The following TNFRSF10D variants were observed in gnomAD, a reference collection of about 807,000 sequenced individuals.
TNFRSF10D encodes TNF receptor superfamily member 10d.
TNFRSF10D carries 28 observed loss-of-function variants against 42.1 expected under a neutral mutation model. That is an observed-to-expected ratio of 0.66 (90% confidence interval 0.49 to 0.91). The LOEUF is 0.91. Ranked by LOEUF, TNFRSF10D falls within the 40% of genes least tolerant of loss-of-function variation. The pLI, the probability that TNFRSF10D is intolerant of heterozygous loss-of-function variation, is 0.00. For missense variants in TNFRSF10D, 503 were observed against 486.1 expected (o/e 1.03, Z -0.33); for synonymous variants, 186 against 189.4 (o/e 0.98, Z 0.15).
At chr8:23,139,405 G>T (rs1385480541) in intron 7 of TNFRSF10D, among the ~76,000 whole-genome samples, 1 of 152,182 alleles carries the variant, frequency 6.6e-6, no homozygotes, top group African/African-American at 2.4e-5. Context: ...GGGAGGGAAG[G>T]ATGGAGGAAA....
At chr8:23,140,123 A>G (rs1324394343) in intron 7 of TNFRSF10D, among the ~76,000 whole-genome samples, 1 of 152,108 alleles carries the variant, frequency 6.6e-6, no homozygotes, top group Non-Finnish European at 1.5e-5. Context: ...CCCCACCTCT[A>G]CTAAAAATAC....
Position 23,140,116 on chromosome 8 carries a change from C to T in TNFRSF10D, c.955-1856G>A, listed in dbSNP as rs1001961129. On this transcript the variant is annotated intron_variant, in intron 7 of 8. Coordinates refer to ENST00000312584, the MANE Select transcript of TNFRSF10D (RefSeq NM_003840.5). ...CATCCTGGCTAACACGGTGAAACCC[C>T]ACCTCTACTAAAAATACAAAAAACT... Among the ~76,000 whole-genome samples, 12 of 152,186 alleles carry T rather than the reference C, an allele frequency of 7.9e-5. No homozygotes were observed. In the South Asian group the frequency reaches 8.3e-4, roughly 11 times the overall value.
At chr8:23,139,924 T>C (rs1563353987) in intron 7 of TNFRSF10D, among the ~76,000 whole-genome samples, 1 of 152,082 alleles carries the variant, frequency 6.6e-6, no homozygotes, top group Non-Finnish European at 1.5e-5. Context: ...GGCAGGCGGA[T>C]CACGATGTCA....
At chr8:23,163,104 T>C (rs1800397908) in intron 1 of TNFRSF10D, among the ~76,000 whole-genome samples, 2 of 138,286 alleles carry the variant, frequency 1.4e-5, no homozygotes, top group Admixed American at 1.4e-4. Context: ...TTTTTTTTTT[T>C]TTTTTTTTTT....
intron 7 of TNFRSF10D, among the ~76,000 whole-genome samples, chr8:23,140,709 C>G (rs1192010426): frequency 6.6e-6 from 1 of 152,138 alleles, no homozygotes; most frequent in African/African-American, 2.4e-5. Flanking sequence ...GTGAATAAGA[C>G]TCACAAGAGC....
chr8:23,147,641 T>C (rs993593023), intron 3 of TNFRSF10D, among the ~76,000 whole-genome samples: 5 of 152,202 alleles, frequency 3.3e-5, no homozygotes, highest in African/African-American at 9.6e-5. Context: ...ACAGAAAAGA[T>C]TTTGGCCAGG....
chr8:23,145,043 G>T lies in TNFRSF10D; in HGVS notation c.768+15C>A. 6.2e-7 allele frequency: 1 copy of T among 1,614,140 alleles called. No homozygotes were observed. The highest frequency in any genetic ancestry group is 8.5e-7 in the Non-Finnish European group (1 of 1,180,016). On this transcript the variant is annotated intron_variant, in intron 6 of 8. Transcript: ENST00000312584. Reference sequence around the variant, plus strand: ...GAACCCACGAAGCCCCCAGTTTCTGGAGAAACCAACTCACTCTGTGCACAC... The same window carrying T: ...GAACCCACGAAGCCCCCAGTTTCTGTAGAAACCAACTCACTCTGTGCACAC...
At chr8:23,158,585 C>T (rs900715649) in intron 1 of TNFRSF10D, among the ~76,000 whole-genome samples, 2 of 152,184 alleles carry the variant, frequency 1.3e-5, no homozygotes, top group African/African-American at 4.8e-5. Flanking sequence ...TCAAAATAGA[C>T]CTATACGTTT....
chr8:23,162,823 C>CA (rs144419199), intron 1 of TNFRSF10D, among the ~76,000 whole-genome samples: 2,590 of 152,294 alleles, frequency 0.017, 73 homozygotes, highest in African/African-American at 0.059. Flanking sequence ...ATGAAAGTTA[C>CA]AAAAAACAGC....
rs1168370245 is a variant in TNFRSF10D at position 23,137,524 on chromosome 8, C to T, written c.*346G>A. ...TTCACTGTGTTGATGAGGCTGGTCT[C>T]AAACTCCCGAGCTCAAGCAATCCAC... On this transcript the variant is annotated 3_prime_UTR_variant, in exon 9 of 9. Transcript: ENST00000312584. 5.1e-3 allele frequency: 913 copies of T among 178,510 alleles called. No individual in the cohort carries two copies. The highest frequency in any genetic ancestry group is 0.018 in the African/African-American group (756 of 42,190). 11.1% of individuals were successfully genotyped at this position (178,510 alleles called of 1,614,324 possible).
rs142138389 is a variant in TNFRSF10D at position 23,138,270 on chromosome 8, A to T, written c.955-10T>A. The T allele has an allele frequency of 6.9e-5, 111 of 1,614,178 alleles. No individual in the cohort carries two copies. The African/African-American group carries it at 1.3e-3, about 19-fold the overall frequency. ...CAGCTTCTGCCTGTTCCTGTAACAC[A>T]CAGTGGGGAATGCTCTGGTCAGAGT... On this transcript the variant is annotated splice_polypyrimidine_tract_variant and intron_variant, in intron 7 of 8. Coordinates refer to ENST00000312584, the MANE Select transcript of TNFRSF10D (RefSeq NM_003840.5).
Position 23,163,846 on chromosome 8 carries a change from T to C in TNFRSF10D, c.90A>G (p.Pro30=), listed in dbSNP as rs1585268419. Residue 30 remains proline (P), a synonymous_variant, in exon 1 of 9, where the codon CCA becomes CCG. Coordinates refer to ENST00000312584, the MANE Select transcript of TNFRSF10D (RefSeq NM_003840.5). Reference sequence around the variant, plus strand: ...TAAGGATCTTGGGGTCCAGGAGCCATGGTCTGGTTCCCGACGCTGTCCTGG... The same window carrying C: ...TAAGGATCTTGGGGTCCAGGAGCCACGGTCTGGTTCCCGACGCTGTCCTGG... ...PGARTASGTR[P]WLLDPKILKF... 1 of 1,607,600 alleles carries C rather than the reference T, an allele frequency of 6.2e-7. No individual in the cohort carries two copies. The highest frequency in any genetic ancestry group is 1.7e-5 in the Admixed American group (1 of 59,016).
chr8:23,143,012 T>C (rs1485664481), intron 7 of TNFRSF10D, among the ~76,000 whole-genome samples: 6 of 150,272 alleles, frequency 4.0e-5, no homozygotes, highest in African/African-American at 7.5e-5. Flanking sequence ...AGTCTGACTC[T>C]GTAGCCCAGG....
chr8:23,143,015 A>C (rs979452516), intron 7 of TNFRSF10D, among the ~76,000 whole-genome samples: 5 of 150,058 alleles, frequency 3.3e-5, no homozygotes, highest in Non-Finnish European at 5.9e-5. Flanking sequence ...CTGACTCTGT[A>C]GCCCAGGCTG....
chr8:23,154,371 T>C (rs555631011), intron 2 of TNFRSF10D, among the ~76,000 whole-genome samples: 1 of 152,320 alleles, frequency 6.6e-6, no homozygotes, highest in African/African-American at 2.4e-5. Context: ...ATATATTCCA[T>C]GGAACAAACT....
chr8:23,140,132 A>G (rs1274171815), intron 7 of TNFRSF10D, among the ~76,000 whole-genome samples: 2 of 152,166 alleles, frequency 1.3e-5, no homozygotes, highest in South Asian at 4.2e-4. Context: ...TACTAAAAAT[A>G]CAAAAAACTA....
chr8:23,150,318 G>C (rs948290078), intron 2 of TNFRSF10D, among the ~76,000 whole-genome samples: 1 of 152,188 alleles, frequency 6.6e-6, no homozygotes, highest in African/African-American at 2.4e-5. Context: ...CCAGGCCTCA[G>C]GTCACCTCTC....
At chr8:23,156,564 T>TCTTTCTTTCTTTCCTTC (rs1800283289) in intron 1 of TNFRSF10D, among the ~76,000 whole-genome samples, 4 of 152,014 alleles carry the variant, frequency 2.6e-5, no homozygotes, top group African/African-American at 7.3e-5. Context: ...CAACTCTTTT[T>TCTTTCTTTCTTTCCTTC]TTTTTTTTTT....
rs544083430 is a variant in TNFRSF10D, at chr8:23,140,830, C to A, written c.955-2570G>T. 1.4e-4 allele frequency among the ~76,000 whole-genome samples: 21 copies of A among 152,294 alleles called. No homozygotes were observed. The South Asian group carries it at 2.3e-3, about 17-fold the overall frequency. ...GGCCATGATTGTGAGGCCTCCCCAG[C>A]CATGTGGAACTGTGAGTCCATTAAA... is the stretch of plus-strand genomic sequence containing the variant. On this transcript the variant is annotated intron_variant, in intron 7 of 8. Transcript: ENST00000312584.
Sources: gnomAD v4.1 joint callset for allele counts (sites outside exome capture counted in the v4.1 genomes callset) on GRCh38, gnomAD v4.1.1 for gene constraint, MANE v1.5 for transcripts, NCBI Gene and HGNC (gene_info 2026-07-23, HGNC 2026-07-21) for gene names.